Variants in EVI5 observed in about 807,000 individuals in gnomAD.
EVI5 encodes ecotropic viral integration site 5.
Under a neutral mutation model 112.0 loss-of-function variants are expected in EVI5, and 73 were observed. The ratio of observed to expected loss-of-function variants is 0.65; its 90% CI spans 0.54 to 0.79. The LOEUF is 0.79. Among genes scored for constraint, EVI5 ranks in the 30% least tolerant of loss-of-function variants. EVI5 has a pLI of 0.00. For synonymous variants in EVI5, 305 were observed against 319.9 expected, an observed-to-expected ratio of 0.95 and a Z score of 0.50; for missense variants, 900 against 968.8, an observed-to-expected ratio of 0.93 and a Z score of 0.94.
intron 18 of EVI5, among the ~76,000 whole-genome samples, chr1:92,595,063 G>A (rs1647350189): frequency 6.6e-6 from 1 of 151,750 alleles, no homozygotes; most frequent in African/African-American, 2.4e-5. Flanking sequence ...TCCCATCACT[G>A]GGTATATACC....
chr1:92,729,953 G>A (rs1676178472), intron 2 of EVI5, among the ~76,000 whole-genome samples: 1 of 152,062 alleles, frequency 6.6e-6, no homozygotes, highest in Non-Finnish European at 1.5e-5. Flanking sequence ...AAAAATCAAT[G>A]TAATTTGCCG....
chr1:92,785,169 G>T, upstream of EVI5: 1 of 944,172 alleles, frequency 1.1e-6, no homozygotes, highest in Non-Finnish European at 1.3e-6. Context: ...GAATGGGTTG[G>T]AGCAGGTTAG....
Position 92,695,323 on chromosome 1 carries a change from A to G in EVI5, c.896T>C (p.Ile299Thr), listed in dbSNP as rs143611208. Reference sequence around the variant, plus strand: ...CCATTAGCTTACCTCAGACATAAAGATATCAAATATCCTTGTTGCAATTGG... The same window carrying G: ...CCATTAGCTTACCTCAGACATAAAGGTATCAAATATCCTTGTTGCAATTGG... ...PLPIATRIFD[I>T]FMSEGLEIVF... The change falls in exon 7 of 20, where the codon ATC becomes ACC. Residue 299 changes from isoleucine (I) to threonine (T), a missense_variant. By Grantham distance (89) the Ile-to-Thr change is moderately conservative. Transcript: ENST00000684568. 1,779 of 1,611,030 alleles carry G rather than the reference A, an allele frequency of 1.1e-3. 13 individuals are homozygous for G. The Middle Eastern group carries it at 0.013, about 12-fold the overall frequency.
At chr1:92,754,817 A>G (rs899028157) in intron 1 of EVI5, among the ~76,000 whole-genome samples, 3 of 152,224 alleles carry the variant, frequency 2.0e-5, no homozygotes, top group African/African-American at 4.8e-5. Context: ...ATGGGAAGAA[A>G]GCGCATAACA....
intron 10 of EVI5, among the ~76,000 whole-genome samples, chr1:92,670,681 C>T (rs1665721998): frequency 6.6e-6 from 1 of 152,126 alleles, no homozygotes; most frequent in African/African-American, 2.4e-5. Context: ...TTCTATCCCC[C>T]TAGGTCACTA....
intron 19 of EVI5, among the ~76,000 whole-genome samples, chr1:92,520,453 A>C (rs774753964): frequency 2.0e-5 from 3 of 152,210 alleles, no homozygotes; most frequent in Non-Finnish European, 4.4e-5. Flanking sequence ...AAATCATTAC[A>C]TTAGTAGCAT....
chr1:92,662,731 G>A lies in EVI5; in HGVS notation c.1380C>T (p.His460=). The change falls in exon 13 of 20, where the codon CAC becomes CAT. Residue 460 remains histidine (H), a synonymous_variant. Transcript: ENST00000684568. ...CCAGACTCCTTACCCATTGTTGTTG[G>A]TGCTGGAGCTTCCTGATGGTATTTT... ...QAENTIRKLQ[H]QQQWHKCSSN... 2.3e-6 allele frequency: 3 copies of A among 1,280,148 alleles called. No homozygotes were observed. The highest frequency in any genetic ancestry group is 1.5e-5 in the African/African-American group (1 of 65,374). 79.3% of individuals were successfully genotyped at this position (1,280,148 alleles called of 1,614,324 possible).
rs1252488464 is a variant in EVI5 at position 92,648,085 on chromosome 1, G to A, written c.1393-11749C>T. ...AAAGTGGCCAGGCACGGTGGCTCAC[G>A]CCTGTAATCCCAGCACTTTGGGAGG... On this transcript the variant is annotated intron_variant, in intron 13 of 19. Coordinates refer to ENST00000684568, the MANE Select transcript of EVI5 (RefSeq NM_001350197.2). Among the ~76,000 whole-genome samples, 10 of 140,266 alleles carry A rather than the reference G, an allele frequency of 7.1e-5. No individual in the cohort carries two copies. The East Asian group carries it at 1.9e-3, about 26-fold the overall frequency. 92.0% of individuals were successfully genotyped at this position (140,266 alleles called of 152,430 possible).
intron 1 of EVI5, among the ~76,000 whole-genome samples, chr1:92,770,493 G>A (rs1258139500): frequency 6.6e-6 from 1 of 152,132 alleles, no homozygotes; most frequent in Non-Finnish European, 1.5e-5. Context: ...AGTTTTAACA[G>A]ATATAAAAAG....
intron 2 of EVI5, among the ~76,000 whole-genome samples, chr1:92,707,706 A>G (rs1367282668): frequency 6.6e-6 from 1 of 152,210 alleles, no homozygotes; most frequent in Non-Finnish European, 1.5e-5. Flanking sequence ...ATAGTATAAC[A>G]CATTTGAGAA....
At chr1:92,653,974 C>T (rs1349073712) in intron 13 of EVI5, among the ~76,000 whole-genome samples, 2 of 152,054 alleles carry the variant, frequency 1.3e-5, no homozygotes, top group African/African-American at 4.8e-5. Flanking sequence ...TGGCTCCCTG[C>T]CTCTCTGCAG....
At chr1:92,664,977 C>A (rs1333683686) in intron 11 of EVI5, among the ~76,000 whole-genome samples, 3 of 152,170 alleles carry the variant, frequency 2.0e-5, no homozygotes, top group African/African-American at 7.2e-5. Flanking sequence ...GAGGCCGAGG[C>A]AGGCGGATCA....
At chr1:92,675,784 A>G (rs555075392) in intron 10 of EVI5, among the ~76,000 whole-genome samples, 53 of 152,030 alleles carry the variant, frequency 3.5e-4, no homozygotes, top group African/African-American at 1.3e-3. Context: ...GTGAAACCCC[A>G]TCTTTACTAA....
chr1:92,723,380 A>G (rs558625783), intron 2 of EVI5, among the ~76,000 whole-genome samples: 1 of 152,326 alleles, frequency 6.6e-6, no homozygotes, highest in Non-Finnish European at 1.5e-5. Flanking sequence ...GCTGGAGCCA[A>G]GGCAGAAGAA....
At chr1:92,723,304 T>C (rs1161944883) in intron 2 of EVI5, among the ~76,000 whole-genome samples, 1 of 152,234 alleles carries the variant, frequency 6.6e-6, no homozygotes, top group Non-Finnish European at 1.5e-5. Context: ...AATCAATTTT[T>C]CTAATTCTAT....
chr1:92,784,185 G>T, intron 1 of EVI5: 1 of 450,998 alleles, frequency 2.2e-6, no homozygotes, highest in Non-Finnish European at 2.9e-6. Context: ...AAGACAGACA[G>T]ACAGACAGAC....
chr1:92,695,755 T>C (rs1478230974), intron 6 of EVI5, among the ~76,000 whole-genome samples: 1 of 152,184 alleles, frequency 6.6e-6, no homozygotes, highest in Non-Finnish European at 1.5e-5. Flanking sequence ...ACATTTTCTA[T>C]ACTCTTCTAT....
chr1:92,565,651 T>C (rs1444487605), intron 18 of EVI5, among the ~76,000 whole-genome samples: 1 of 151,936 alleles, frequency 6.6e-6, no homozygotes, highest in Non-Finnish European at 1.5e-5. Flanking sequence ...CTAACATCAT[T>C]GGCAGGAAGT....
chr1:92,539,264 C>T (rs1353709449), intron 19 of EVI5, among the ~76,000 whole-genome samples: 3 of 152,100 alleles, frequency 2.0e-5, no homozygotes, highest in African/African-American at 7.2e-5. Flanking sequence ...TGAACCCGGC[C>T]GGGCGCAGTG....
Sources: gnomAD v4.1 joint callset for allele counts (sites outside exome capture counted in the v4.1 genomes callset) on GRCh38, gnomAD v4.1.1 for gene constraint, MANE v1.5 for transcripts, NCBI Gene and HGNC (gene_info 2026-07-23, HGNC 2026-07-21) for gene names.